VPS13B: variants seen among roughly 807,000 people sequenced by gnomAD.
VPS13B encodes the protein intermembrane lipid transfer protein VPS13B.
VPS13B carries 285 observed loss-of-function variants against 426.4 expected under a neutral mutation model. The observed-to-expected ratio is 0.67, with a 90% CI of 0.61 to 0.74. The LOEUF is 0.74. Ranked by LOEUF, VPS13B falls within the 30% of genes least tolerant of loss-of-function variation. The pLI is 0.00. For synonymous variants in VPS13B, 1,676 were observed against 1,676.4 expected (o/e 1.00, Z 0.01); for missense variants, 4,537 against 4,782.6 (o/e 0.95, Z 1.51).
At chr8:99,302,812 A>G (rs1820434354) in intron 19 of VPS13B, among the ~76,000 whole-genome samples, 1 of 152,068 alleles carries the variant, frequency 6.6e-6, no homozygotes, top group African/African-American at 2.4e-5. Context: ...CCTGGCCTGA[A>G]TACTCTATTG....
At chr8:99,629,254 T>C (rs1208852972) in intron 33 of VPS13B, among the ~76,000 whole-genome samples, 1 of 152,212 alleles carries the variant, frequency 6.6e-6, no homozygotes, top group East Asian at 1.9e-4. Context: ...TATGTTGGCA[T>C]TGTTGCTTTA....
At chr8:99,477,971 A>G (rs1431341966) in intron 24 of VPS13B, among the ~76,000 whole-genome samples, 1 of 152,050 alleles carries the variant, frequency 6.6e-6, no homozygotes, top group Non-Finnish European at 1.5e-5. Context: ...GCTTATTCCA[A>G]AGTTAAATGA....
chr8:99,287,165 A>G (rs982647540), intron 19 of VPS13B, among the ~76,000 whole-genome samples: 1 of 152,100 alleles, frequency 6.6e-6, no homozygotes, highest in Admixed American at 6.6e-5. Context: ...ATATTTGAGT[A>G]TCTGTTGTAG....
At chr8:99,202,731 A>G (rs1814405469) in intron 17 of VPS13B, among the ~76,000 whole-genome samples, 1 of 152,156 alleles carries the variant, frequency 6.6e-6, no homozygotes, top group South Asian at 2.1e-4. Context: ...AAAACCTGGC[A>G]GAGACACAAC....
Position 99,868,391 on chromosome 8 carries a change from T to C in VPS13B, c.11318T>C (p.Val3773Ala), listed in dbSNP as rs750394184. 1 of 1,613,968 alleles carries C rather than the reference T, an allele frequency of 6.2e-7. No individual in the cohort carries two copies. Among genetic ancestry groups the C allele is most frequent in the Non-Finnish European group, 8.5e-7 (1 of 1,179,998 alleles). Residue 3773 changes from valine to alanine, a missense_variant, in exon 59 of 62, where the codon GTG (valine) becomes GCG (alanine). Val to Ala is a moderately conservative substitution (Grantham distance 64). This residue lies in a region of VPS13B where 4,311 missense variants were observed against 4,474.3 expected (regional missense o/e 0.96). Transcript: ENST00000357162. Reference protein sequence around the residue: ...GHKAKGVISGVGKGIMGVFTK... With the variant: ...GHKAKGVISGAGKGIMGVFTK... ...AAGGCCAAGGGTGTCATCTCGGGTGTGGGGAAAGGAATCATGGGGGTGTTC... is the reference window on the plus strand; with the variant it reads ...AAGGCCAAGGGTGTCATCTCGGGTGCGGGGAAAGGAATCATGGGGGTGTTC...
At chr8:99,682,368 A>C (rs1831188674) in intron 35 of VPS13B, among the ~76,000 whole-genome samples, 1 of 152,224 alleles carries the variant, frequency 6.6e-6, no homozygotes, top group Non-Finnish European at 1.5e-5. Context: ...GAGATTTAAA[A>C]ATTAGGCTAT....
intron 35 of VPS13B, among the ~76,000 whole-genome samples, chr8:99,663,557 T>C (rs1340027159): frequency 6.6e-6 from 1 of 152,194 alleles, no homozygotes; most frequent in Non-Finnish European, 1.5e-5. Flanking sequence ...AAAAACATTC[T>C]ATATGCCACT....
Position 99,875,919 on chromosome 8 carries a change from G to GTT in VPS13B, c.*255_*256dup, listed in dbSNP as rs1436119055. 5 of 494,122 alleles carry GTT rather than the reference G, an allele frequency of 1.0e-5. No individual in the cohort carries two copies. Among genetic ancestry groups the GTT allele is most frequent in the South Asian group, 2.3e-5 (1 of 43,834 alleles). The allele number at this position is 494,122 out of a possible 1,614,324, so 30.6% of individuals were successfully genotyped here. A position where few individuals can be genotyped will look rare whatever the true frequency, so the allele number is the denominator to read the frequency against. On this transcript the variant is annotated 3_prime_UTR_variant, in exon 62 of 62. Transcript: ENST00000357162. The stretch of plus-strand genomic sequence containing the variant: ...ATCTGATATGGACACAAGGCCAACA[G>GTT]TTTCCTTATTTACATCCTTACCTCT...
At chr8:99,862,511 TG>T (rs1816891485) in intron 58 of VPS13B, among the ~76,000 whole-genome samples, 1 of 152,242 alleles carries the variant, frequency 6.6e-6, no homozygotes, top group Admixed American at 6.5e-5. Context: ...ATATTACAAA[TG>T]TTTGAAAATA....
In VPS13B at chr8:99,832,645, T is replaced by C. The variant is rs781004616; in HGVS notation, c.9607T>C (p.Cys3203Arg). The change falls in exon 52 of 62, where the codon TGT becomes CGT. Residue 3203 changes from cysteine to arginine, a missense_variant. Around this residue, in one of 2 missense-constraint regions of VPS13B, gnomAD observed 4,311 missense variants for 4,474.3 expected, o/e 0.96. Coordinates refer to ENST00000357162, the MANE Select transcript of VPS13B (RefSeq NM_152564.5). ...PLGNFRENGF[C>R]TRAIVLTYQE... is the part of the protein sequence containing the mutation. ...CGGGAATTTCCGGGAAAATGGATTC[T>C]GTACCAGGTATTTTATGTTTATATA... is the stretch of plus-strand genomic sequence containing the variant. 1.9e-5 allele frequency: 30 copies of C among 1,613,556 alleles called. No individual in the cohort carries two copies. The South Asian group carries it at 3.3e-4, about 18-fold the overall frequency.
intron 35 of VPS13B, 67 bp downstream of exon 35, chr8:99,661,558 A>T (rs1418057623): frequency 6.4e-7 from 1 of 1,560,276 alleles, no homozygotes; most frequent in African/African-American, 1.4e-5. Flanking sequence ...TGTATATAGG[A>T]TCTGTTAGTA....
chr8:99,385,758 G>A (rs1814083026), intron 20 of VPS13B, among the ~76,000 whole-genome samples: 1 of 152,186 alleles, frequency 6.6e-6, no homozygotes, highest in South Asian at 2.1e-4. Flanking sequence ...GTGTGAAAAG[G>A]AGGAATTAAC....
At chr8:99,783,198 G>A (rs759207027) in intron 42 of VPS13B, among the ~76,000 whole-genome samples, 14 of 152,040 alleles carry the variant, frequency 9.2e-5, no homozygotes, top group Non-Finnish European at 1.5e-4. Context: ...TGCCTCCTCC[G>A]TACTTGAATC....
At chr8:99,663,688 G>C (rs1830333340) in intron 35 of VPS13B, among the ~76,000 whole-genome samples, 1 of 152,196 alleles carries the variant, frequency 6.6e-6, no homozygotes, top group Non-Finnish European at 1.5e-5. Context: ...CAATAGAATA[G>C]ATGCAATAGG....
intron 30 of VPS13B, among the ~76,000 whole-genome samples, chr8:99,529,347 G>C (rs1472920323): frequency 6.6e-6 from 1 of 151,976 alleles, no homozygotes; most frequent in African/African-American, 2.4e-5. Context: ...ATAATGTATT[G>C]TGGTCATCTT....
In VPS13B at chr8:99,793,284, T is replaced by A. The variant is rs180877315; in HGVS notation, c.7941+8808T>A. On this transcript the variant is annotated intron_variant, in intron 43 of 61. Transcript: ENST00000357162. ...ATATATATATATATATATATATATA[T>A]AAAATACATGATGGAAGAAAAAAGT... Among the ~76,000 whole-genome samples the A allele has an allele frequency of 6.8e-3, 967 of 142,526 alleles. 7 individuals are homozygous for A. Among genetic ancestry groups the A allele is most frequent in the African/African-American group, 0.018 (695 of 38,434 alleles). The allele number at this position is 142,526 out of a possible 152,430, so 93.5% of individuals were successfully genotyped here. A position where few individuals can be genotyped will look rare whatever the true frequency, so the allele number is the denominator to read the frequency against.
intron 3 of VPS13B, among the ~76,000 whole-genome samples, chr8:99,053,905 T>C (rs1340664363): frequency 6.6e-6 from 1 of 152,202 alleles, no homozygotes; most frequent in African/African-American, 2.4e-5. Flanking sequence ...GGTTTCACCC[T>C]GTTGGCCAGG....
At chr8:99,460,549 T>C (rs1003116983) in intron 23 of VPS13B, among the ~76,000 whole-genome samples, 1 of 152,200 alleles carries the variant, frequency 6.6e-6, no homozygotes, top group Admixed American at 6.6e-5. Context: ...TCATACCCAG[T>C]GCTCTTCATT....
In VPS13B at chr8:99,699,578, A is replaced by G. The variant is rs2130179480; in HGVS notation, c.6100A>G (p.Lys2034Glu). Residue 2034 changes from lysine to glutamate, a missense_variant, in exon 36 of 62, where the codon AAA becomes GAA. Physicochemically the swap from Lys to Glu is moderately conservative, Grantham distance 56. Around this residue, in one of 2 missense-constraint regions of VPS13B, gnomAD observed 4,311 missense variants for 4,474.3 expected, o/e 0.96. Transcript: ENST00000357162. ...KPLKANLSFT[K>E]LDQINLFLKK... Reference sequence around the variant, plus strand: ...TTTGAAAGCAAACCTGAGTTTCACCAAACTGGATCAGATAAACCTTTTTTT... The same window carrying G: ...TTTGAAAGCAAACCTGAGTTTCACCGAACTGGATCAGATAAACCTTTTTTT... The G allele has an allele frequency of 6.2e-7, 1 of 1,614,120 alleles. No homozygotes were observed. The highest frequency in any genetic ancestry group is 1.1e-5 in the South Asian group (1 of 91,086).
Sources: gnomAD v4.1 joint callset for allele counts (sites outside exome capture counted in the v4.1 genomes callset) on GRCh38, gnomAD v4.1.1 for gene constraint, gnomAD v4.1.1 regional missense constraint, MANE v1.5 for transcripts, NCBI Gene and HGNC (gene_info 2026-07-23, HGNC 2026-07-21) for gene names.